PACSIN1: variants seen among roughly 807,000 people sequenced by gnomAD.
PACSIN1 encodes protein kinase C and casein kinase substrate in neurons protein 1.
A neutral mutation model predicts 59.5 loss-of-function variants in PACSIN1; 15 were observed. The observed-to-expected ratio is 0.25, with a 90% CI of 0.17 to 0.39. The LOEUF (loss-of-function observed/expected upper bound fraction) is 0.39, where lower values mean the gene tolerates loss of function less well. PACSIN1 is among the 10% of genes least tolerant of loss of function. The probability of loss-of-function intolerance (pLI) is 1.00; values close to 1 mark genes in which losing one functional copy is unlikely to be tolerated. For missense variants in PACSIN1, 420 were observed against 580.2 expected, an observed-to-expected ratio of 0.72 and a Z score of 2.84; for synonymous variants, 210 against 220.6, an observed-to-expected ratio of 0.95 and a Z score of 0.42.
chr6:34,496,567 G>A (rs1262329897), intron 1 of PACSIN1, among the ~76,000 whole-genome samples: 2 of 152,280 alleles, frequency 1.3e-5, no homozygotes, highest in Non-Finnish European at 2.9e-5. Context: ...TGACTCGTGG[G>A]AAGACTGATG....
intron 2 of PACSIN1, 143 bp from the exon 3 acceptor site, chr6:34,527,189 G>A: frequency 2.4e-6 from 2 of 823,068 alleles, no homozygotes; most frequent in Non-Finnish European, 3.4e-6. Context: ...CGCGGGGCGG[G>A]GGGCGGGGGC....
At position 34,521,716 on chromosome 6, in the gene PACSIN1, C is replaced by T. The variant is rs907902943; in HGVS notation, c.-63-4527C>T. ...GGAGCTGTTGCTCCACTACAGGCAA[C>T]GGCGGTGGTGGATGGATAGTAAGCG... On this transcript the variant is annotated intron_variant, in intron 1 of 9. Coordinates refer to ENST00000244458, the MANE Select transcript of PACSIN1 (RefSeq NM_020804.5). This position sits in a 1 kb window ranked among gnomAD's most constrained non-coding sequence, Gnocchi z 4.3. Among the ~76,000 whole-genome samples, 3 of 152,076 alleles carry T rather than the reference C, an allele frequency of 2.0e-5. No individual in the cohort carries two copies. The highest frequency in any genetic ancestry group is 4.4e-5 in the Non-Finnish European group (3 of 68,012).
At position 34,526,702 on chromosome 6, in the gene PACSIN1, C is replaced by T. The variant is rs1767490519; in HGVS notation, c.63+334C>T. 2.0e-5 allele frequency among the ~76,000 whole-genome samples: 3 copies of T among 152,370 alleles called. No homozygotes were observed. The South Asian group carries it at 6.2e-4, about 32-fold the overall frequency. ...GTTCCTATTTCCCTCGCTCGCCCCC[C>T]ATCCTGAGGTGGGCAGGGGTGGAGC... On this transcript the variant is annotated intron_variant, in intron 2 of 9. Transcript: ENST00000244458.
At chr6:34,476,682 C>T (rs1386433682) in intron 1 of PACSIN1, among the ~76,000 whole-genome samples, 1 of 152,206 alleles carries the variant, frequency 6.6e-6, no homozygotes, top group Non-Finnish European at 1.5e-5. Flanking sequence ...TTTCTGCCAG[C>T]CCCAGCATGG....
Position 34,488,190 on chromosome 6 carries a change from C to G in PACSIN1, c.-64+21920C>G, listed in dbSNP as rs1244854675. Among the ~76,000 whole-genome samples, 1 of 152,184 alleles carries G rather than the reference C, an allele frequency of 6.6e-6. No homozygotes were observed. Among genetic ancestry groups the G allele is most frequent in the Non-Finnish European group, 1.5e-5 (1 of 68,026 alleles). On this transcript the variant is annotated intron_variant, in intron 1 of 9. Coordinates refer to ENST00000244458, the MANE Select transcript of PACSIN1 (RefSeq NM_020804.5). This position sits in a 1 kb window ranked among gnomAD's most constrained non-coding sequence, Gnocchi z 4.7. ...AGTCTGAGTCTCTGGCCATCCTGCT[C>G]TCCTCAGACCCTGACCATTGCCCTT...
At chr6:34,470,511 T>C (rs559761969) in intron 1 of PACSIN1, among the ~76,000 whole-genome samples, 8 of 151,916 alleles carry the variant, frequency 5.3e-5, no homozygotes, top group Non-Finnish European at 1.2e-4. Flanking sequence ...TCACTCGATA[T>C]TGTTATAATT....
intron 2 of PACSIN1, among the ~76,000 whole-genome samples, 184 bp from the exon 3 acceptor site, chr6:34,527,148 A>G (rs924277069): frequency 5.6e-5 from 7 of 125,204 alleles, no homozygotes; most frequent in Admixed American, 1.0e-4. Flanking sequence ...AGCCTCCGAA[A>G]GTTAGTTTCC....
At chr6:34,482,298 C>T (rs1766730574) in intron 1 of PACSIN1, among the ~76,000 whole-genome samples, 2 of 152,096 alleles carry the variant, frequency 1.3e-5, no homozygotes, top group African/African-American at 4.8e-5. Context: ...GTTGGGCAGG[C>T]TAGTCTTGAA....
chr6:34,504,955 TCTG>T (rs766843177), intron 1 of PACSIN1, among the ~76,000 whole-genome samples: 10 of 151,940 alleles, frequency 6.6e-5, no homozygotes, highest in Non-Finnish European at 1.5e-4. Context: ...ATTTTAAAAA[TCTG>T]CTGTAATTTG....
At chr6:34,493,080 T>C (rs1377630148) in intron 1 of PACSIN1, among the ~76,000 whole-genome samples, 3 of 152,260 alleles carry the variant, frequency 2.0e-5, no homozygotes, top group African/African-American at 7.2e-5. Context: ...GGAGGACACT[T>C]CAGAGTTGTC....
rs539356119 is a variant in PACSIN1, at chr6:34,534,527, C to G, written c.*1997C>G. ...GTTGGGGTTGGGGGCCTCTGTCCCT[C>G]ATCGCTTACCTTGGAAAGGTGGGAA... is the stretch of plus-strand genomic sequence containing the variant. On this transcript the variant is annotated 3_prime_UTR_variant, in exon 10 of 10. Transcript: ENST00000244458. 9 of 152,874 alleles carry G rather than the reference C, an allele frequency of 5.9e-5. No individual in the cohort carries two copies. In the East Asian group the frequency reaches 7.7e-4, roughly 13 times the overall value. 9.5% of individuals were successfully genotyped at this position (152,874 alleles called of 1,614,324 possible).
intron 1 of PACSIN1, among the ~76,000 whole-genome samples, chr6:34,497,656 A>T (rs903264150): frequency 2.0e-5 from 3 of 152,156 alleles, no homozygotes; most frequent in East Asian, 3.9e-4. Context: ...CTCTGTTGCC[A>T]TCCGACTCTG....
In PACSIN1 at chr6:34,530,427, C is replaced by T; in HGVS notation, c.910-33C>T. 1 of 1,598,026 alleles carries T rather than the reference C, an allele frequency of 6.3e-7. No individual in the cohort carries two copies. Among genetic ancestry groups the T allele is most frequent in the African/African-American group, 1.3e-5 (1 of 74,740 alleles). On this transcript the variant is annotated intron_variant, in intron 7 of 9. Coordinates refer to ENST00000244458, the MANE Select transcript of PACSIN1 (RefSeq NM_020804.5). This position sits in a 1 kb window ranked among gnomAD's most constrained non-coding sequence, Gnocchi z 4.4. Reference sequence around the variant, plus strand: ...GCTGAAAGGTGCCTCAGGGCATAGTCCCCCAGCCTGACTGCTCCACTGGCC... The same window carrying T: ...GCTGAAAGGTGCCTCAGGGCATAGTTCCCCAGCCTGACTGCTCCACTGGCC...
At position 34,487,127 on chromosome 6, in the gene PACSIN1, C is replaced by T. The variant is rs145742647; in HGVS notation, c.-64+20857C>T. Among the ~76,000 whole-genome samples, 712 of 152,162 alleles carry T rather than the reference C, an allele frequency of 4.7e-3. 3 individuals carry two copies. The highest frequency in any genetic ancestry group is 0.02 in the Middle Eastern group (6 of 294). On this transcript the variant is annotated intron_variant, in intron 1 of 9. Transcript: ENST00000244458. ...TTGAGGCTGCAGTGAGCTATGATTG[C>T]ACCACTGCACTCCAGCCTGGGTGAT...
intron 1 of PACSIN1, among the ~76,000 whole-genome samples, chr6:34,473,565 C>G (rs1766600705): frequency 6.6e-6 from 1 of 152,052 alleles, no homozygotes; most frequent in African/African-American, 2.4e-5. Flanking sequence ...CCTTGACCAG[C>G]CACTGAGGAC....
At position 34,516,055 on chromosome 6, in the gene PACSIN1, T is replaced by G. The variant is rs1034039302; in HGVS notation, c.-63-10188T>G. Among the ~76,000 whole-genome samples the G allele has an allele frequency of 6.6e-6, 1 of 152,064 alleles. No homozygotes were observed. Among genetic ancestry groups the G allele is most frequent in the Non-Finnish European group, 1.5e-5 (1 of 67,974 alleles). On this transcript the variant is annotated intron_variant, in intron 1 of 9. Transcript: ENST00000244458. The surrounding 1 kb of genome is among the most constrained non-coding windows in gnomAD (Gnocchi z 5.4). ...CTTGGGTGGCATAGGGAGGAGATGC[T>G]AGCCTGCAAGGGGCAGAAGGTTGAT... is the stretch of plus-strand genomic sequence containing the variant.
chr6:34,472,573 A>G (rs1023647164), intron 1 of PACSIN1, among the ~76,000 whole-genome samples: 1 of 152,200 alleles, frequency 6.6e-6, no homozygotes, highest in Non-Finnish European at 1.5e-5. Flanking sequence ...AGAAACCTAA[A>G]AAAATGAGCA....
In PACSIN1 at chr6:34,518,668, C is replaced by T. The variant is rs981193401; in HGVS notation, c.-63-7575C>T. ...GCTCTGGGAGGGGTTTTGAACACACCTTTGACTCAGTCCAGGAGGGCAGGG... is the reference window on the plus strand; with the variant it reads ...GCTCTGGGAGGGGTTTTGAACACACTTTTGACTCAGTCCAGGAGGGCAGGG... On this transcript the variant is annotated intron_variant, in intron 1 of 9. Transcript: ENST00000244458. The surrounding 1 kb of genome is among the most constrained non-coding windows in gnomAD (Gnocchi z 4.4). 1.1e-4 allele frequency among the ~76,000 whole-genome samples: 16 copies of T among 152,332 alleles called. No individual in the cohort carries two copies. The highest frequency in any genetic ancestry group is 3.6e-4 in the African/African-American group (15 of 41,576).
At position 34,501,533 on chromosome 6, in the gene PACSIN1, A is replaced by G. The variant is rs192692727; in HGVS notation, c.-63-24710A>G. ...TTCTGGGCAGGTTTCTTGGGTCCCA[A>G]TGTGTGCATGTCTGCCCCAAGCTGT... is the stretch of plus-strand genomic sequence containing the variant. On this transcript the variant is annotated intron_variant, in intron 1 of 9. Transcript: ENST00000244458. 7.5e-4 allele frequency among the ~76,000 whole-genome samples: 114 copies of G among 152,336 alleles called. 1 individual carries two copies. Among genetic ancestry groups the G allele is most frequent in the Non-Finnish European group, 1.3e-3 (91 of 68,030 alleles).
Sources: gnomAD v4.1 joint callset for allele counts (sites outside exome capture counted in the v4.1 genomes callset) on GRCh38, gnomAD v4.1.1 for gene constraint, Gnocchi (gnomAD v3.1) non-coding constraint, MANE v1.5 for transcripts, NCBI Gene and HGNC (gene_info 2026-07-23, HGNC 2026-07-21) for gene names.